The following NAALADL2 variants were observed in gnomAD, a reference collection of about 807,000 sequenced individuals.
The protein encoded by NAALADL2 is N-acetylated alpha-linked acidic dipeptidase like 2.
Under a neutral mutation model 87.2 loss-of-function variants are expected in NAALADL2, and 76 were observed. The observed-to-expected ratio is 0.87, with a 90% CI of 0.72 to 1.05. The LOEUF (loss-of-function observed/expected upper bound fraction) is 1.05. NAALADL2 is among the 50% of genes least tolerant of loss of function. The probability of loss-of-function intolerance (pLI) is 0.00; values close to 1 mark genes in which losing one functional copy is unlikely to be tolerated. For synonymous variants in NAALADL2, 354 were observed against 331.0 expected (o/e 1.07, Z -0.75); for missense variants, 1,089 against 945.8 (o/e 1.15, Z -1.99).
chr3:174,820,374 T>A (rs1721285406), intron 3 of NAALADL2, among the ~76,000 whole-genome samples: 1 of 152,190 alleles, frequency 6.6e-6, no homozygotes, highest in Non-Finnish European at 1.5e-5. Context: ...ATGGAGCATA[T>A]ACAATTATAA....
intron 1 of NAALADL2, among the ~76,000 whole-genome samples, chr3:175,011,694 G>A (rs1378263032): frequency 1.3e-5 from 2 of 152,080 alleles, no homozygotes; most frequent in Non-Finnish European, 2.9e-5. Flanking sequence ...TAGACAAGAA[G>A]GTCCTAACTA....
At chr3:174,656,365 T>G (rs962450687) in intron 2 of NAALADL2, among the ~76,000 whole-genome samples, 2 of 152,180 alleles carry the variant, frequency 1.3e-5, no homozygotes, top group African/African-American at 4.8e-5. Context: ...CTAGTATGAC[T>G]GCATGCATTG....
intron 13 of NAALADL2, among the ~76,000 whole-genome samples, chr3:175,776,629 A>G (rs1559998840): frequency 6.6e-6 from 1 of 152,098 alleles, no homozygotes; most frequent in African/African-American, 2.4e-5. Flanking sequence ...CAAAGTCTGC[A>G]TCTCGAAGAC....
Position 175,087,658 on chromosome 3 carries a change from T to G in NAALADL2, c.44-9132T>G, listed in dbSNP as rs542305590. On this transcript the variant is annotated intron_variant, in intron 1 of 13. Transcript: ENST00000454872. ...TGTGCTGTGTCCACTCAGGGTTAAA[T>G]GGATTAAGGGCGGTGCAAGATGTGC... Among the ~76,000 whole-genome samples, 28 of 152,252 alleles carry G rather than the reference T, an allele frequency of 1.8e-4. No individual in the cohort carries two copies. In the South Asian group the frequency reaches 5.8e-3, roughly 32 times the overall value.
chr3:174,477,381 T>A (rs1483674239), intron 1 of NAALADL2, among the ~76,000 whole-genome samples: 1 of 152,000 alleles, frequency 6.6e-6, no homozygotes, highest in East Asian at 1.9e-4. Context: ...GTGGCAGAGG[T>A]AGGAAATGAA....
chr3:174,650,698 A>G (rs900915510), intron 2 of NAALADL2, among the ~76,000 whole-genome samples: 1 of 152,134 alleles, frequency 6.6e-6, no homozygotes, highest in African/African-American at 2.4e-5. Context: ...AGTTATTTTT[A>G]GAGGAAATTA....
intron 6 of NAALADL2, among the ~76,000 whole-genome samples, chr3:175,459,464 C>T (rs4894717): frequency 0.72 from 108,869 of 150,646 alleles, 39,918 homozygotes; most frequent in Middle Eastern, 0.82. Context: ...AATATACAGT[C>T]GATTAAAATG....
intron 1 of NAALADL2, among the ~76,000 whole-genome samples, chr3:174,873,252 T>C (rs1294527507): frequency 1.3e-5 from 2 of 151,304 alleles, no homozygotes; most frequent in Admixed American, 1.3e-4. Flanking sequence ...TTTATTTATT[T>C]ATTTATTTAT....
chr3:174,507,414 A>AT (rs1372791795), intron 1 of NAALADL2, among the ~76,000 whole-genome samples: 1 of 152,120 alleles, frequency 6.6e-6, no homozygotes, highest in Non-Finnish European at 1.5e-5. Flanking sequence ...TTTCTCACTG[A>AT]TTTTTTTAAT....
intron 1 of NAALADL2, among the ~76,000 whole-genome samples, chr3:175,013,301 A>ATATATTTT (rs1553916905): frequency 9.7e-5 from 7 of 72,072 alleles, no homozygotes; most frequent in East Asian, 4.1e-4. Context: ...ATATATATAT[A>ATATATTTT]TTTTTTTTTT....
intron 2 of NAALADL2, among the ~76,000 whole-genome samples, chr3:174,693,526 A>C (rs4894685): frequency 4.9e-4 from 74 of 152,320 alleles, no homozygotes; most frequent in Admixed American, 3.7e-3. Flanking sequence ...TCTTCCCGGC[A>C]AAAAATATGC....
At chr3:174,920,786 C>T (rs1476282520) in intron 1 of NAALADL2, among the ~76,000 whole-genome samples, 1 of 152,080 alleles carries the variant, frequency 6.6e-6, no homozygotes, top group Non-Finnish European at 1.5e-5. Flanking sequence ...TCATCTGTAG[C>T]TTTTGATTTA....
rs1166851919 is a variant in NAALADL2 at position 175,808,903 on chromosome 3, TATTTA to T, written c.*5704_*5708del. Reference sequence around the variant, plus strand: ...ATATTTTTCAATCAAAATGTGTAATTATTTAATTATCTAGCCTGCTCAGTAATCAT... The same window carrying T: ...ATATTTTTCAATCAAAATGTGTAATTATTATCTAGCCTGCTCAGTAATCAT... On this transcript the variant is annotated 3_prime_UTR_variant, in exon 14 of 14. Transcript: ENST00000454872. 4 of 152,148 alleles carry T rather than the reference TATTTA, an allele frequency of 2.6e-5. No homozygotes were observed. The highest frequency in any genetic ancestry group is 6.6e-5 in the Admixed American group (1 of 15,244). The allele number at this position is 152,148 out of a possible 1,614,324, so 9.4% of individuals were successfully genotyped here.
intron 2 of NAALADL2, among the ~76,000 whole-genome samples, chr3:174,646,453 A>C (rs747520422): frequency 2.6e-5 from 4 of 152,144 alleles, no homozygotes; most frequent in Non-Finnish European, 5.9e-5. Context: ...GGGCATGGCT[A>C]TGTGTTTGTG....
chr3:174,499,184 C>T (rs1718733972), intron 1 of NAALADL2, among the ~76,000 whole-genome samples: 1 of 151,980 alleles, frequency 6.6e-6, no homozygotes, highest in South Asian at 2.1e-4. Flanking sequence ...CATGTGCTCC[C>T]TGGATAAGGG....
intron 5 of NAALADL2, among the ~76,000 whole-genome samples, chr3:175,329,446 A>G (rs533058874): frequency 1.3e-5 from 2 of 152,326 alleles, no homozygotes; most frequent in South Asian, 4.1e-4. Context: ...GTGACAAGTC[A>G]TTACCAGGTA....
chr3:175,071,476 ATATATT>A (rs1165869218), intron 1 of NAALADL2, among the ~76,000 whole-genome samples: 1 of 151,882 alleles, frequency 6.6e-6, no homozygotes, highest in African/African-American at 2.4e-5. Context: ...ACAGTTTTTC[ATATATT>A]TATATATTCA....
At chr3:175,226,333 C>T (rs1744151726) in intron 2 of NAALADL2, among the ~76,000 whole-genome samples, 1 of 152,044 alleles carries the variant, frequency 6.6e-6, no homozygotes, top group Non-Finnish European at 1.5e-5. Context: ...ACATTAATTT[C>T]CCTGAGCATC....
chr3:175,780,351 C>T (rs1176820594), intron 13 of NAALADL2, among the ~76,000 whole-genome samples: 1 of 151,802 alleles, frequency 6.6e-6, no homozygotes, highest in Non-Finnish European at 1.5e-5. Context: ...ACACTACACA[C>T]ACATGCACAC....
Sources: gnomAD v4.1 joint callset for allele counts (sites outside exome capture counted in the v4.1 genomes callset) on GRCh38, gnomAD v4.1.1 for gene constraint, MANE v1.5 for transcripts, NCBI Gene and HGNC (gene_info 2026-07-23, HGNC 2026-07-21) for gene names.